S100PBP: variants seen among roughly 807,000 people sequenced by gnomAD.
S100PBP encodes the protein S100P binding protein.
A neutral mutation model predicts 39.9 loss-of-function variants in S100PBP; 15 were observed. That is an observed-to-expected ratio of 0.38 (90% confidence interval 0.25 to 0.58). S100PBP has a LOEUF of 0.58. Among genes scored for constraint, S100PBP ranks in the 20% least tolerant of loss-of-function variants. The pLI is 0.70. For synonymous variants in S100PBP, 178 were observed against 180.3 expected (o/e 0.99, Z 0.10); for missense variants, 504 against 487.3 (o/e 1.03, Z -0.32).
intron 5 of S100PBP, among the ~76,000 whole-genome samples, chr1:32,831,300 G>C (rs1043230885): frequency 6.6e-6 from 1 of 151,862 alleles, no homozygotes; most frequent in African/African-American, 2.4e-5. Flanking sequence ...ATAAAGTACA[G>C]TAGGAGCAGG....
intron 6 of S100PBP, among the ~76,000 whole-genome samples, chr1:32,855,459 C>A (rs1220574954): frequency 1.3e-5 from 2 of 152,124 alleles, no homozygotes; most frequent in African/African-American, 2.4e-5. Context: ...TGATGACTTA[C>A]CTTTCTGGGA....
At chr1:32,851,929 A>T (rs557555617) in intron 5 of S100PBP, among the ~76,000 whole-genome samples, 4 of 152,282 alleles carry the variant, frequency 2.6e-5, no homozygotes, top group Non-Finnish European at 5.9e-5. Flanking sequence ...TTCTGCTTCT[A>T]TTGAGTTTTA....
chr1:32,819,581 A>C (rs1012038069), intron 1 of S100PBP, among the ~76,000 whole-genome samples: 8 of 152,184 alleles, frequency 5.3e-5, no homozygotes, highest in Non-Finnish European at 7.3e-5. Context: ...AAAATAAAAT[A>C]AAAAAATAAA....
rs369785311 is a variant in S100PBP, at chr1:32,832,724, C to G, written c.1024+2657C>G. On this transcript the variant is annotated intron_variant, in intron 5 of 6. Transcript: ENST00000373475. ...AAAGGGGAGCGTAGTACTTCTTGTC[C>G]TCCTTCCTTTTGAGATGTTTATTGC... Among the ~76,000 whole-genome samples the G allele has an allele frequency of 5.3e-5, 8 of 152,250 alleles. No homozygotes were observed. The South Asian group carries it at 1.7e-3, about 32-fold the overall frequency.
chr1:32,841,729 CAAAA>C (rs56267418), intron 5 of S100PBP, among the ~76,000 whole-genome samples: 1 of 55,166 alleles, frequency 1.8e-5, no homozygotes. Context: ...AACTCTGTCT[CAAAA>C]AAAAAAAAAA....
upstream of S100PBP, chr1:32,816,967 C>T: frequency 1.6e-6 from 1 of 622,614 alleles, no homozygotes. Flanking sequence ...CAACACAAGA[C>T]AACTGGACGC....
At chr1:32,830,353 G>A (rs1419573206) in intron 5 of S100PBP, among the ~76,000 whole-genome samples, 2 of 143,752 alleles carry the variant, frequency 1.4e-5, no homozygotes, top group African/African-American at 5.3e-5. Context: ...TTTTTGCTAG[G>A]GATTTTTTTG....
At chr1:32,850,007 T>G (rs1640546826) in intron 5 of S100PBP, among the ~76,000 whole-genome samples, 1 of 152,238 alleles carries the variant, frequency 6.6e-6, no homozygotes, top group Non-Finnish European at 1.5e-5. Flanking sequence ...AGGCTTGATA[T>G]ATAATGTTAT....
At chr1:32,838,843 C>CAA (rs745436929) in intron 5 of S100PBP, among the ~76,000 whole-genome samples, 4 of 104,744 alleles carry the variant, frequency 3.8e-5, no homozygotes, top group African/African-American at 7.2e-5. Context: ...AACTCCGTCT[C>CAA]AAAAAAAAAA....
chr1:32,821,563 G>C (rs992572072), intron 1 of S100PBP, among the ~76,000 whole-genome samples: 2 of 151,448 alleles, frequency 1.3e-5, no homozygotes, highest in Admixed American at 6.6e-5. Flanking sequence ...CTCGTGATCC[G>C]CCCTCCTCGG....
At chr1:32,823,793 T>G (rs183292595) in intron 1 of S100PBP, among the ~76,000 whole-genome samples, 15 of 152,366 alleles carry the variant, frequency 9.8e-5, no homozygotes, top group Admixed American at 9.1e-4. Context: ...ATACATTACG[T>G]ATTATACATT....
intron 5 of S100PBP, among the ~76,000 whole-genome samples, chr1:32,838,044 T>C (rs1639910040): frequency 6.6e-6 from 1 of 152,146 alleles, no homozygotes; most frequent in East Asian, 1.9e-4. Flanking sequence ...TGTGTTTAAC[T>C]TTTTGAGAAA....
At chr1:32,817,577 G>A (rs1057515442), upstream of S100PBP, 4 of 494,884 alleles carry the variant, frequency 8.1e-6, no homozygotes, top group East Asian at 3.5e-5. Flanking sequence ...CCCTCCCCCT[G>A]GTGTTGGCCC....
chr1:32,821,643 T>TC (rs1639070556), intron 1 of S100PBP, among the ~76,000 whole-genome samples: 2 of 141,268 alleles, frequency 1.4e-5, no homozygotes, highest in African/African-American at 5.3e-5. Context: ...TTTCTTTCTT[T>TC]TTTTTTTTTT....
At chr1:32,845,903 T>C (rs1640349791) in intron 5 of S100PBP, among the ~76,000 whole-genome samples, 1 of 151,062 alleles carries the variant, frequency 6.6e-6, no homozygotes, top group East Asian at 2.0e-4. Flanking sequence ...GGTCTCAAAC[T>C]CCTGGGCTCA....
intron 5 of S100PBP, chr1:32,836,710 T>A: frequency 2.4e-6 from 1 of 413,184 alleles, no homozygotes; most frequent in Non-Finnish European, 3.3e-6. Flanking sequence ...AACAGAGCTG[T>A]CATCCCAGGA....
chr1:32,841,824 C>G (rs1037700102), intron 5 of S100PBP, among the ~76,000 whole-genome samples: 3 of 151,072 alleles, frequency 2.0e-5, no homozygotes, highest in African/African-American at 7.3e-5. Context: ...AAATTTTCTC[C>G]TATGTTTTTT....
intron 5 of S100PBP, among the ~76,000 whole-genome samples, chr1:32,844,974 A>AC (rs1320067943): frequency 2.1e-5 from 3 of 141,002 alleles, no homozygotes; most frequent in Admixed American, 7.1e-5. Flanking sequence ...GACTACAGGC[A>AC]CCCCCCACCA....
chr1:32,852,358 C>G (rs1282824045), intron 5 of S100PBP, among the ~76,000 whole-genome samples: 3 of 151,706 alleles, frequency 2.0e-5, no homozygotes, highest in Admixed American at 6.6e-5. Context: ...CCATAGTTTC[C>G]CATCTTTGAA....
Sources: gnomAD v4.1 joint callset for allele counts (sites outside exome capture counted in the v4.1 genomes callset) on GRCh38, gnomAD v4.1.1 for gene constraint, MANE v1.5 for transcripts, NCBI Gene and HGNC (gene_info 2026-07-23, HGNC 2026-07-21) for gene names.